MYO5B: variants seen among roughly 807,000 people sequenced by gnomAD.
MYO5B encodes the protein unconventional myosin-Vb.
MYO5B carries 143 observed loss-of-function variants against 229.3 expected under a neutral mutation model. The observed-to-expected ratio is 0.62, with a 90% CI of 0.54 to 0.72. The LOEUF (loss-of-function observed/expected upper bound fraction) is 0.72. Ranked by LOEUF, MYO5B falls within the 30% of genes least tolerant of loss-of-function variation. The probability of loss-of-function intolerance (pLI) is 0.00; values close to 1 mark genes in which losing one functional copy is unlikely to be tolerated. For missense variants in MYO5B, 2,321 were observed against 2,331.0 expected, an observed-to-expected ratio of 1.00 and a Z score of 0.09; for synonymous variants, 918 against 885.2, an observed-to-expected ratio of 1.04 and a Z score of -0.66.
chr18:50,017,526 T>A (rs1376249239), intron 4 of MYO5B, among the ~76,000 whole-genome samples: 3 of 152,196 alleles, frequency 2.0e-5, no homozygotes, highest in Non-Finnish European at 4.4e-5. Context: ...TAAGGAGAGA[T>A]TATATTTTAA....
At chr18:49,932,795 C>G (rs78403452) in intron 16 of MYO5B, among the ~76,000 whole-genome samples, 1 of 152,154 alleles carries the variant, frequency 6.6e-6, no homozygotes, top group Non-Finnish European at 1.5e-5. Context: ...GGGAGGCCAG[C>G]TGGCCTTCTG....
Position 49,873,648 on chromosome 18 carries a change from G to A in MYO5B, c.3538-1416C>T, listed in dbSNP as rs2024483091. On this transcript the variant is annotated intron_variant, in intron 26 of 39. Transcript: ENST00000285039. ...GTTCTATGTAGCATGGATTTGCCAT[G>A]TGTCCGTGGATGATATTGAGTACAT... Among the ~76,000 whole-genome samples, 4 of 152,350 alleles carry A rather than the reference G, an allele frequency of 2.6e-5. No homozygotes were observed. The South Asian group carries it at 8.3e-4, about 32-fold the overall frequency.
intron 13 of MYO5B, 58 bp downstream of exon 13, chr18:49,954,255 T>C (rs77851006): frequency 0.014 from 22,646 of 1,604,378 alleles, 236 homozygotes; most frequent in Non-Finnish European, 0.018. Flanking sequence ...CTAGAGCCCA[T>C]TGAGTCTACT....
chr18:49,988,268 G>C (rs987746675), intron 7 of MYO5B, among the ~76,000 whole-genome samples: 2 of 152,160 alleles, frequency 1.3e-5, no homozygotes, highest in Non-Finnish European at 2.9e-5. Context: ...GTTATTAGTG[G>C]ACCTAAATGC....
chr18:50,103,276 C>T (rs562253207), intron 1 of MYO5B, among the ~76,000 whole-genome samples: 66 of 152,318 alleles, frequency 4.3e-4, no homozygotes, highest in African/African-American at 1.4e-3. Flanking sequence ...GTTTCCATTT[C>T]CAACCAGTTT....
At chr18:49,884,659 C>T (rs1425842014) in intron 22 of MYO5B, among the ~76,000 whole-genome samples, 5 of 152,154 alleles carry the variant, frequency 3.3e-5, no homozygotes, top group Non-Finnish European at 7.4e-5. Context: ...TGAAGCCTTG[C>T]TCACTTGCCC....
chr18:50,139,735 G>C lies in MYO5B; in HGVS notation c.27+55032C>G, dbSNP rs570401843. ...TTTCCCTTCTATCCACATGTCCCGA[G>C]AAGATGCAGCCCACCAGCTCCAAAG... On this transcript the variant is annotated intron_variant, in intron 1 of 39. Transcript: ENST00000285039. Among the ~76,000 whole-genome samples the C allele has an allele frequency of 2.2e-3, 337 of 152,250 alleles. 1 individual carries two copies. The highest frequency in any genetic ancestry group is 3.4e-3 in the Non-Finnish European group (234 of 68,018).
chr18:50,193,065 C>CTTCG (rs564926533), intron 1 of MYO5B, among the ~76,000 whole-genome samples: 19 of 152,352 alleles, frequency 1.2e-4, no homozygotes, highest in African/African-American at 4.1e-4. Context: ...TGTAACAAAG[C>CTTCG]TTCGGCTCTT....
intron 1 of MYO5B, among the ~76,000 whole-genome samples, chr18:50,074,291 T>G (rs1423270120): frequency 6.6e-6 from 1 of 152,144 alleles, no homozygotes; most frequent in Non-Finnish European, 1.5e-5. Flanking sequence ...CCTGGGTCCC[T>G]CCCACAACAC....
intron 10 of MYO5B, chr18:49,969,759 A>G (rs1488503034): frequency 6.6e-6 from 1 of 152,250 alleles, no homozygotes; most frequent in Non-Finnish European, 1.5e-5. Flanking sequence ...AAGTACCACA[A>G]GAAAGTAACA....
intron 1 of MYO5B, among the ~76,000 whole-genome samples, chr18:50,151,630 A>T (rs2032599584): frequency 6.6e-6 from 1 of 152,250 alleles, no homozygotes; most frequent in African/African-American, 2.4e-5. Context: ...TAAACTATGC[A>T]AGAAAAATGC....
intron 4 of MYO5B, among the ~76,000 whole-genome samples, chr18:50,031,841 T>A (rs920089085): frequency 1.3e-5 from 2 of 152,172 alleles, no homozygotes; most frequent in African/African-American, 4.8e-5. Flanking sequence ...CTCGAAATAA[T>A]CTTTGAAAAC....
intron 17 of MYO5B, among the ~76,000 whole-genome samples, chr18:49,921,159 G>A (rs1412091898): frequency 1.3e-5 from 2 of 151,762 alleles, no homozygotes; most frequent in Non-Finnish European, 2.9e-5. Context: ...GGACTGGGGA[G>A]AAGAAAGTTG....
At chr18:49,837,001 C>G in intron 37 of MYO5B, 116 bp from the exon 38 acceptor site, 2 of 1,029,190 alleles carry the variant, frequency 1.9e-6, no homozygotes, top group South Asian at 2.8e-5. Flanking sequence ...TTATCTCACA[C>G]GGTTAAAAAG....
At chr18:49,827,569 G>C (rs1435506203) in intron 39 of MYO5B, among the ~76,000 whole-genome samples, 2 of 152,112 alleles carry the variant, frequency 1.3e-5, no homozygotes, top group Non-Finnish European at 2.9e-5. Context: ...CCGCAGACTT[G>C]AGCAGGCAGA....
In MYO5B at chr18:49,843,348, C is replaced by T. The variant is rs376839918; in HGVS notation, c.4504G>A (p.Ala1502Thr). Residue 1502 changes from alanine to threonine, a missense_variant, in exon 34 of 40, where the codon GCC becomes ACC. Ala to Thr is a moderately conservative substitution (Grantham distance 58). This residue lies in a region of MYO5B where 2,113 missense variants were observed against 2,044.7 expected (regional missense o/e 1.03). Coordinates refer to ENST00000285039, the MANE Select transcript of MYO5B (RefSeq NM_001080467.3). ...MLSGTVPCLP[A>T]YILYMCIRHA... ...CGGATGCACATGTAGAGGATGTAGG[C>T]GGGGAGACAGGGCACTGTGCCCGAC... 31 of 1,613,972 alleles carry T rather than the reference C, an allele frequency of 1.9e-5. No individual in the cohort carries two copies. The highest frequency in any genetic ancestry group is 1.7e-4 in the Admixed American group (10 of 59,992).
intron 1 of MYO5B, among the ~76,000 whole-genome samples, chr18:50,161,158 C>T (rs896087237): frequency 6.6e-6 from 1 of 152,180 alleles, no homozygotes; most frequent in African/African-American, 2.4e-5. Context: ...CCACGGCAGG[C>T]AGATCACCTG....
rs763568517 is a variant in MYO5B, at chr18:49,937,540, G to A, written c.1753-143C>T. The A allele has an allele frequency of 4.5e-5, 44 of 981,430 alleles. 1 individual carries two copies. In the Middle Eastern group the frequency reaches 3.2e-3, roughly 71 times the overall value. 60.8% of individuals were successfully genotyped at this position (981,430 alleles called of 1,614,324 possible). A position where few individuals can be genotyped will look rare whatever the true frequency, so the allele number is the denominator to read the frequency against. ...CCCACACACCAACCTGCACAGCAGC[G>A]TTACTCCCAAAAGCGCCACAAGGTA... On this transcript the variant is annotated intron_variant, in intron 14 of 39. Transcript: ENST00000285039.
chr18:49,864,320 C>A lies in MYO5B; in HGVS notation c.3664G>T (p.Ala1222Ser), dbSNP rs771730210. ...LKNDLNELRK[A>S]VADQATQNNS... is the part of the protein sequence containing the mutation. ...TTCTGCGTGGCTTGGTCGGCCACGGCTTTCCTCAGCTCATTCAGGTCATTC... is the reference window on the plus strand; with the variant it reads ...TTCTGCGTGGCTTGGTCGGCCACGGATTTCCTCAGCTCATTCAGGTCATTC... The change falls in exon 28 of 40, where the codon GCC (alanine) becomes TCC (serine). Residue 1222 changes from alanine (A) to serine (S), a missense_variant. By Grantham distance (99) the Ala-to-Ser change is moderately conservative (BLOSUM62 1). Coordinates refer to ENST00000285039, the MANE Select transcript of MYO5B (RefSeq NM_001080467.3). The A allele has an allele frequency of 1.2e-6, 2 of 1,614,114 alleles. No individual in the cohort carries two copies. The highest frequency in any genetic ancestry group is 1.7e-6 in the Non-Finnish European group (2 of 1,180,038).
Sources: gnomAD v4.1 joint callset for allele counts (sites outside exome capture counted in the v4.1 genomes callset) on GRCh38, gnomAD v4.1.1 for gene constraint, gnomAD v4.1.1 regional missense constraint, MANE v1.5 for transcripts, NCBI Gene and HGNC (gene_info 2026-07-23, HGNC 2026-07-21) for gene names.